Variants in NLGN3 observed in about 807,000 individuals in gnomAD.
The protein encoded by NLGN3 is neuroligin 3, also known as neuroligin-3.
In NLGN3, 11 loss-of-function variants were observed where a neutral mutation model predicts 42.9. That is an observed-to-expected ratio of 0.26 (90% CI 0.16 to 0.42). The LOEUF (loss-of-function observed/expected upper bound fraction) is 0.42, where lower values mean the gene tolerates loss of function less well. Among genes scored for constraint, NLGN3 ranks in the 10% least tolerant of loss-of-function variants. The pLI, the probability that NLGN3 is intolerant of heterozygous loss-of-function variation, is 1.00. For missense variants in NLGN3, 374 were observed against 733.8 expected, an observed-to-expected ratio of 0.51 and a Z score of 5.67; for synonymous variants, 279 against 312.7, an observed-to-expected ratio of 0.89 and a Z score of 1.14.
chrX:71,172,631 T>C (rs1421752782), downstream of NLGN3, among the ~76,000 whole-genome samples: 1 of 107,693 alleles, frequency 9.3e-6, no homozygotes, highest in Non-Finnish European at 1.9e-5. Context: ...TGCATGCGTG[T>C]GTGTGTGTGT....
Position 71,169,913 on chromosome X carries a change from C to T in NLGN3, c.2363C>T (p.Ala788Val). 1.7e-6 allele frequency: 2 copies of T among 1,201,624 alleles called. No individual in the cohort carries two copies. The highest frequency in any genetic ancestry group is 2.2e-6 in the Non-Finnish European group (2 of 890,450). Residue 788 changes from alanine to valine, a missense_variant, in exon 8 of 8, where the codon GCA (alanine) becomes GTA (valine). By Grantham distance (64) the Ala-to-Val change is moderately conservative. Transcript: ENST00000358741. ...CCCCATGACACGCTGCGCCTCACTG[C>T]ATTGCCCGACTACACCCTGACCCTG... ...GPPHDTLRLTALPDYTLTLRR... is the reference protein window; with the variant it reads ...GPPHDTLRLTVLPDYTLTLRR...
rs745489501 is a variant in NLGN3 at position 71,164,294 on chromosome X, C to T, written c.879C>T (p.Cys293=). 23 of 1,211,035 alleles carry T rather than the reference C, an allele frequency of 1.9e-5. No individual in the cohort carries two copies. Among genetic ancestry groups the T allele is most frequent in the African/African-American group, 3.5e-5 (2 of 57,704 alleles). The stretch of plus-strand genomic sequence containing the variant: ...TTGGCTCGGGCATTGGTGCATCCTG[C>T]GTCAGCCTCCTCACGTTGTCACATC... ...TVFGSGIGAS[C]VSLLTLSHHS... is the part of the protein sequence containing the mutation. The change falls in exon 6 of 8, where the codon TGC becomes TGT. Residue 293 remains cysteine (C), a synonymous_variant. Coordinates refer to ENST00000358741, the MANE Select transcript of NLGN3 (RefSeq NM_181303.2).
At chrX:71,166,764 C>T (rs1049873462) in intron 6 of NLGN3, among the ~76,000 whole-genome samples, 5 of 111,693 alleles carry the variant, frequency 4.5e-5, no homozygotes, top group African/African-American at 1.6e-4. Flanking sequence ...GGGGTTAATT[C>T]TTCCTGACAT....
At chrX:71,159,722 TTTTC>T (rs1296151763) in intron 5 of NLGN3, among the ~76,000 whole-genome samples, 2 of 67,423 alleles carry the variant, frequency 3.0e-5, no homozygotes, top group African/African-American at 1.2e-4. Flanking sequence ...GGGAATTTTC[TTTTC>T]TTTTTTTTTT....
chrX:71,148,100 C>A lies in NLGN3; in HGVS notation c.351C>A (p.Val117=). Reference sequence around the variant, plus strand: ...ACATCCACACAGCTGTGCCCGAAGTCATGCTGCCGGTCTGGTTCACTGCCA... The same window carrying A: ...ACATCCACACAGCTGTGCCCGAAGTAATGCTGCCGGTCTGGTTCACTGCCA... ...PQNIHTAVPE[V]MLPVWFTANL... is the part of the protein sequence containing the mutation. Residue 117 remains valine, a synonymous_variant, in exon 2 of 8, where the codon GTC becomes GTA. Coordinates refer to ENST00000358741, the MANE Select transcript of NLGN3 (RefSeq NM_181303.2). 2 of 1,210,742 alleles carry A rather than the reference C, an allele frequency of 1.7e-6. No individual in the cohort carries two copies. The highest frequency in any genetic ancestry group is 2.2e-6 in the Non-Finnish European group (2 of 894,883).
At position 71,170,157 on chromosome X, in the gene NLGN3, GCACACACACACACA is replaced by G; in HGVS notation, c.*68_*81del. ...CTCCCTCCCAGATCCAGGAACACAT[GCACACACACACACA>G]CACACACGCAGACACACACACACAC... is the stretch of plus-strand genomic sequence containing the variant. On this transcript the variant is annotated 3_prime_UTR_variant, in exon 8 of 8. Coordinates refer to ENST00000358741, the MANE Select transcript of NLGN3 (RefSeq NM_181303.2). 38 of 1,065,055 alleles carry G rather than the reference GCACACACACACACA, an allele frequency of 3.6e-5. No homozygotes were observed. Among genetic ancestry groups the G allele is most frequent in the Non-Finnish European group, 6.3e-6 (5 of 791,757 alleles). 87.8% of individuals were successfully genotyped at this position (1,065,055 alleles called of 1,213,427 possible). A position where few individuals can be genotyped will look rare whatever the true frequency, so the allele number is the denominator to read the frequency against.
At chrX:71,154,699 T>C (rs957802392) in intron 4 of NLGN3, among the ~76,000 whole-genome samples, 3 of 111,922 alleles carry the variant, frequency 2.7e-5, no homozygotes, top group Admixed American at 1.9e-4. Flanking sequence ...GTTCTCTCCC[T>C]GTGCCACCCC....
Position 71,155,263 on chromosome X carries a change from C to T in NLGN3, c.627C>T (p.Gly209=), listed in dbSNP as rs757486875. ...AKPVMVYIHG[G]SYMEGTGNMI... ...CCGTCATGGTCTACATCCACGGAGG[C>T]TCTTACATGGAAGGGACAGGCAACA... Residue 209 remains glycine, a synonymous_variant, in exon 5 of 8, where the codon GGC becomes GGT. Transcript: ENST00000358741. 2 of 1,211,491 alleles carry T rather than the reference C, an allele frequency of 1.7e-6. No individual in the cohort carries two copies. Among genetic ancestry groups the T allele is most frequent in the Admixed American group, 2.2e-5 (1 of 46,103 alleles).
At chrX:71,148,325 T>A in intron 2 of NLGN3, 119 bp downstream of exon 2, 1 of 584,730 alleles carries the variant, frequency 1.7e-6, no homozygotes, top group Non-Finnish European at 2.9e-6. Context: ...AAAATGCTTC[T>A]AACCATCACT....
At position 71,169,627 on chromosome X, in the gene NLGN3, G is replaced by A; in HGVS notation, c.2077G>A (p.Ala693Thr). The A allele has an allele frequency of 8.3e-7, 1 of 1,212,121 alleles. No homozygotes were observed. Among genetic ancestry groups the A allele is most frequent in the Non-Finnish European group, 1.1e-6 (1 of 895,470 alleles). ...GGGGTCCTGGAACGGGGACCAGGAT[G>A]CAGGGCCACTCCTGGTGGAGAACCC... ...AQGSWNGDQD[A>T]GPLLVENPRD... Residue 693 changes from alanine (A) to threonine (T), a missense_variant, in exon 8 of 8, where the codon GCA becomes ACA. This residue lies in a region of NLGN3 where 142 missense variants were observed against 359.1 expected (regional missense o/e 0.40). Transcript: ENST00000358741.
At position 71,164,126 on chromosome X, in the gene NLGN3, C is replaced by T; in HGVS notation, c.728-17C>T. ...TCCCTCTGCCTTCATTGTCTTCATG[C>T]CCTTTGTTGAATCCAGGTTTCCTGA... On this transcript the variant is annotated splice_polypyrimidine_tract_variant and intron_variant, in intron 5 of 7. Transcript: ENST00000358741. The T allele has an allele frequency of 8.3e-7, 1 of 1,209,726 alleles. No homozygotes were observed. The highest frequency in any genetic ancestry group is 1.1e-6 in the Non-Finnish European group (1 of 893,327).
chrX:71,148,968 C>A, intron 3 of NLGN3, 63 bp downstream of exon 3: 1 of 760,679 alleles, frequency 1.3e-6, no homozygotes, highest in Non-Finnish European at 1.8e-6. Flanking sequence ...CCCACCTGCC[C>A]TTGCCCCCAG....
chrX:71,168,771 G>A (rs1602330719), intron 7 of NLGN3, among the ~76,000 whole-genome samples: 2 of 68,640 alleles, frequency 2.9e-5, no homozygotes, highest in African/African-American at 5.0e-5. Flanking sequence ...GAGAGAGAAA[G>A]AAAAAGGGAA....
At position 71,167,099 on chromosome X, in the gene NLGN3, G is replaced by T; in HGVS notation, c.1002G>T (p.Leu334=). The change falls in exon 7 of 8, where the codon CTG becomes CTT. Residue 334 remains leucine, a synonymous_variant. Coordinates refer to ENST00000358741, the MANE Select transcript of NLGN3 (RefSeq NM_181303.2). The stretch of plus-strand genomic sequence containing the variant: ...AACCAGTGAAGTACACCAGCCTGCT[G>T]GCAGACAAAGTGGGCTGTAATGTGC... ...NYQPVKYTSL[L]ADKVGCNVLD... 8.3e-7 allele frequency: 1 copy of T among 1,211,819 alleles called. No homozygotes were observed. Among genetic ancestry groups the T allele is most frequent in the Non-Finnish European group, 1.1e-6 (1 of 895,416 alleles).
chrX:71,148,196 G>C lies in NLGN3; in HGVS notation c.447G>C (p.Pro149=). Residue 149 remains proline, a synonymous_variant, in exon 2 of 8, where the codon CCG becomes CCC. Transcript: ENST00000358741. The part of the protein sequence containing the change: ...EDCLYLNVYV[P]TEDVKRISKE... ...GTCTCTACCTGAACGTCTATGTGCC[G>C]ACGGAGGATGGTGAGTGCTGCGGCC... 8.3e-7 allele frequency: 1 copy of C among 1,208,298 alleles called. No homozygotes were observed. Among genetic ancestry groups the C allele is most frequent in the Non-Finnish European group, 1.1e-6 (1 of 892,444 alleles).
intron 3 of NLGN3, among the ~76,000 whole-genome samples, chrX:71,149,600 C>A (rs1307660009): frequency 8.9e-6 from 1 of 111,991 alleles, no homozygotes; most frequent in Non-Finnish European, 1.9e-5. Flanking sequence ...TTGGCATTTA[C>A]CTTAGAGAAT....
At chrX:71,165,973 C>T (rs2092445529) in intron 6 of NLGN3, among the ~76,000 whole-genome samples, 1 of 111,609 alleles carries the variant, frequency 9.0e-6, no homozygotes, top group Non-Finnish European at 1.9e-5. Flanking sequence ...TGCAAACTGG[C>T]TTTCTCTTAA....
At position 71,155,223 on chromosome X, in the gene NLGN3, A is replaced by T; in HGVS notation, c.587A>T (p.Asp196Val). 1 of 1,211,977 alleles carries T rather than the reference A, an allele frequency of 8.3e-7. No individual in the cohort carries two copies. The highest frequency in any genetic ancestry group is 1.1e-6 in the Non-Finnish European group (1 of 895,477). Residue 196 changes from aspartate to valine, a missense_variant, in exon 5 of 8, where the codon GAC (aspartate) becomes GTC (valine). Asp to Val is a radical substitution (Grantham distance 152). Around this residue, in one of 6 missense-constraint regions of NLGN3, gnomAD observed 109 missense variants for 173.3 expected, o/e 0.63. Transcript: ENST00000358741. Reference sequence around the variant, plus strand: ...CCCCTTCTCCTTGCAGACATCCGGGACAGTGGTGCTAAACCCGTCATGGTC... The same window carrying T: ...CCCCTTCTCCTTGCAGACATCCGGGTCAGTGGTGCTAAACCCGTCATGGTC... ...NDGDEDEDIRDSGAKPVMVYI... is the reference protein window; with the variant it reads ...NDGDEDEDIRVSGAKPVMVYI...
intron 6 of NLGN3, among the ~76,000 whole-genome samples, chrX:71,165,210 GAGA>G (rs921115705): frequency 1.8e-5 from 2 of 111,951 alleles, no homozygotes; most frequent in Non-Finnish European, 3.8e-5. Context: ...CTCTCTGAGA[GAGA>G]AGAACCACCT....
Sources: allele counts gnomAD v4.1 joint callset (sites outside exome capture counted in the v4.1 genomes callset), GRCh38; gene constraint gnomAD v4.1.1; regional missense constraint gnomAD v4.1.1; transcripts MANE v1.5; gene names NCBI Gene and HGNC (gene_info 2026-07-23, HGNC 2026-07-21).